CTNNA2: variants seen among roughly 807,000 people sequenced by gnomAD.
CTNNA2 encodes catenin alpha 2.
CTNNA2 carries 42 observed loss-of-function variants against 101.0 expected under a neutral mutation model. The observed-to-expected ratio is 0.42, with a 90% confidence interval of 0.32 to 0.54. The LOEUF (loss-of-function observed/expected upper bound fraction) is 0.54, where lower values mean the gene tolerates loss of function less well. Among genes scored for constraint, CTNNA2 ranks in the 20% least tolerant of loss-of-function variants. The pLI is 0.14. For synonymous variants in CTNNA2, 450 were observed against 456.4 expected (o/e 0.99, Z 0.18); for missense variants, 871 against 1,223.1 (o/e 0.71, Z 4.29).
At chr2:80,328,154 C>T (rs1168864793) in intron 7 of CTNNA2, 1 of 401,802 alleles carries the variant, frequency 2.5e-6, no homozygotes, top group Admixed American at 2.8e-5. Context: ...GTCCCTGTCT[C>T]CTCGCTCACC....
At position 80,518,165 on chromosome 2, in the gene CTNNA2, T is replaced by A. The variant is rs547459861; in HGVS notation, c.1291-26817T>A. Among the ~76,000 whole-genome samples, 4 of 152,336 alleles carry A rather than the reference T, an allele frequency of 2.6e-5. No individual in the cohort carries two copies. In the South Asian group the frequency reaches 8.3e-4, roughly 32 times the overall value. ...AATCTCAATGGATTATTGAGGTGATTCTTCAAGCATATTTTTCATATTCAG... is the reference window on the plus strand; with the variant it reads ...AATCTCAATGGATTATTGAGGTGATACTTCAAGCATATTTTTCATATTCAG... On this transcript the variant is annotated intron_variant, in intron 9 of 18. Coordinates refer to ENST00000402739, the MANE Select transcript of CTNNA2 (RefSeq NM_001282597.3).
intron 6 of CTNNA2, among the ~76,000 whole-genome samples, chr2:79,890,825 G>A (rs1346775972): frequency 7.1e-6 from 1 of 141,028 alleles, no homozygotes; most frequent in Non-Finnish European, 1.5e-5. Context: ...CAGGATAGGT[G>A]TTGACAGACT....
At chr2:79,242,008 C>T (rs891367352) in intron 2 of CTNNA2, among the ~76,000 whole-genome samples, 2 of 152,034 alleles carry the variant, frequency 1.3e-5, no homozygotes, top group African/African-American at 4.8e-5. Context: ...TGGGTTCACG[C>T]CATTCTCCTG....
chr2:79,331,676 G>A (rs1475376627), intron 3 of CTNNA2, among the ~76,000 whole-genome samples: 1 of 152,002 alleles, frequency 6.6e-6, no homozygotes, highest in Admixed American at 6.6e-5. Flanking sequence ...CTGTGCATAG[G>A]GACCTCTCCT....
At chr2:80,140,832 C>T (rs562250318) in intron 7 of CTNNA2, among the ~76,000 whole-genome samples, 147 of 152,188 alleles carry the variant, frequency 9.7e-4, no homozygotes, top group Middle Eastern at 3.4e-3. Flanking sequence ...TCATATCCAT[C>T]CCAAACTGAT....
intron 7 of CTNNA2, among the ~76,000 whole-genome samples, chr2:80,028,814 TG>T (rs1695104737): frequency 6.6e-6 from 1 of 152,222 alleles, no homozygotes; most frequent in South Asian, 2.1e-4. Context: ...GGAATGCAGA[TG>T]GCCTCTAGAA....
intron 1 of CTNNA2, among the ~76,000 whole-genome samples, chr2:79,642,000 C>G (rs907359528): frequency 6.6e-6 from 1 of 152,092 alleles, no homozygotes; most frequent in African/African-American, 2.4e-5. Flanking sequence ...AACTTATCAC[C>G]TTGAAAGACT....
intron 7 of CTNNA2, among the ~76,000 whole-genome samples, chr2:79,948,886 T>C (rs1688685927): frequency 6.6e-6 from 1 of 152,168 alleles, no homozygotes; most frequent in Admixed American, 6.5e-5. Flanking sequence ...GAGAATGGCG[T>C]GAACCCGGGA....
chr2:79,559,859 G>T (rs762605870), intron 1 of CTNNA2, among the ~76,000 whole-genome samples: 2 of 151,756 alleles, frequency 1.3e-5, no homozygotes, highest in Non-Finnish European at 2.9e-5. Flanking sequence ...CCATTTATGT[G>T]CCAGGCTAGT....
intron 4 of CTNNA2, among the ~76,000 whole-genome samples, chr2:79,471,421 T>C (rs1314137712): frequency 6.6e-6 from 1 of 152,170 alleles, no homozygotes; most frequent in African/African-American, 2.4e-5. Flanking sequence ...CTTCTCCTTA[T>C]ATCCTCCCAT....
intron 7 of CTNNA2, chr2:80,313,403 G>T (rs764670841): frequency 7.1e-7 from 1 of 1,410,992 alleles, no homozygotes; most frequent in South Asian, 1.7e-5. Flanking sequence ...ATAAAATGTG[G>T]TGCCTACCCT....
chr2:80,221,413 A>G (rs1046870946), intron 7 of CTNNA2, among the ~76,000 whole-genome samples: 1 of 152,162 alleles, frequency 6.6e-6, no homozygotes, highest in African/African-American at 2.4e-5. Context: ...GCAAGTTGGA[A>G]AGAAATCCCA....
intron 7 of CTNNA2, among the ~76,000 whole-genome samples, chr2:80,381,542 C>G (rs1676516579): frequency 6.6e-6 from 1 of 152,038 alleles, no homozygotes; most frequent in Non-Finnish European, 1.5e-5. Flanking sequence ...CCAGAGAGGA[C>G]AGGAAGAGGT....
intron 7 of CTNNA2, among the ~76,000 whole-genome samples, chr2:80,077,586 T>TA (rs11330479): frequency 0.011 from 1,485 of 139,930 alleles, 11 homozygotes; most frequent in African/African-American, 0.024. Context: ...CTGTCTCTAT[T>TA]AAAAAAAAAA....
chr2:79,975,655 C>T (rs897331653), intron 7 of CTNNA2, among the ~76,000 whole-genome samples: 1 of 152,114 alleles, frequency 6.6e-6, no homozygotes, highest in Non-Finnish European at 1.5e-5. Flanking sequence ...TAAAGTGGCT[C>T]ATAGAGCTTG....
intron 16 of CTNNA2, among the ~76,000 whole-genome samples, chr2:80,607,337 T>G (rs867463455): frequency 6.6e-6 from 1 of 152,008 alleles, no homozygotes; most frequent in Middle Eastern, 3.4e-3. Context: ...AAGAAATATG[T>G]AGGCATCTCA....
At chr2:79,503,024 T>C (rs1671337176) in intron 4 of CTNNA2, among the ~76,000 whole-genome samples, 1 of 152,066 alleles carries the variant, frequency 6.6e-6, no homozygotes, top group African/African-American at 2.4e-5. Context: ...CAGGCACAAG[T>C]TTAACAGCAG....
At chr2:79,757,176 G>C (rs1430079125) in intron 3 of CTNNA2, among the ~76,000 whole-genome samples, 1 of 152,096 alleles carries the variant, frequency 6.6e-6, no homozygotes, top group Admixed American at 6.5e-5. Context: ...CGCAAAGATA[G>C]TACAGAAAAT....
intron 3 of CTNNA2, among the ~76,000 whole-genome samples, chr2:79,822,660 C>G (rs1678100990): frequency 6.6e-6 from 1 of 152,180 alleles, no homozygotes; most frequent in Non-Finnish European, 1.5e-5. Context: ...CCCTATTGCT[C>G]TCTTGACCAT....
Sources: gnomAD v4.1 joint callset for allele counts (sites outside exome capture counted in the v4.1 genomes callset) on GRCh38, gnomAD v4.1.1 for gene constraint, MANE v1.5 for transcripts, NCBI Gene and HGNC (gene_info 2026-07-23, HGNC 2026-07-21) for gene names.